TMPRSS15: variants seen among roughly 807,000 people sequenced by gnomAD.
TMPRSS15 encodes enteropeptidase.
A neutral mutation model predicts 125.3 loss-of-function variants in TMPRSS15; 128 were observed. The observed-to-expected ratio is 1.02, with a 90% CI of 0.89 to 1.18. The LOEUF (loss-of-function observed/expected upper bound fraction) is 1.18. Ranked by LOEUF, TMPRSS15 falls within the 50% of genes most tolerant of loss-of-function variation. The pLI is 0.00. For synonymous variants in TMPRSS15, 446 were observed against 423.2 expected, an observed-to-expected ratio of 1.05 and a Z score of -0.66; for missense variants, 1,283 against 1,212.7, an observed-to-expected ratio of 1.06 and a Z score of -0.86.
At chr21:18,475,155 T>C (rs537381364) in intron 1 of TMPRSS15, among the ~76,000 whole-genome samples, 4 of 152,008 alleles carry the variant, frequency 2.6e-5, no homozygotes, top group African/African-American at 7.3e-5. Flanking sequence ...CCAATAGAGA[T>C]TCGATTTTTT....
chr21:18,274,205 A>G (rs1050276315), intron 24 of TMPRSS15, among the ~76,000 whole-genome samples: 1 of 152,186 alleles, frequency 6.6e-6, no homozygotes, highest in East Asian at 1.9e-4. Context: ...AACATTTTTG[A>G]GTAATTGCTC....
At chr21:18,302,801 A>C (rs1410424376) in intron 18 of TMPRSS15, among the ~76,000 whole-genome samples, 1 of 152,110 alleles carries the variant, frequency 6.6e-6, no homozygotes, top group African/African-American at 2.4e-5. Flanking sequence ...TACTTCTAGG[A>C]GATTGTCAAA....
intron 6 of TMPRSS15, among the ~76,000 whole-genome samples, chr21:18,369,977 A>AAG (rs1373223404): frequency 6.6e-6 from 1 of 151,092 alleles, no homozygotes; most frequent in Non-Finnish European, 1.5e-5. Context: ...CTTAAACGAA[A>AAG]AAAAAAAAAA....
intron 1 of TMPRSS15, among the ~76,000 whole-genome samples, chr21:18,476,345 T>C (rs1337468438): frequency 6.6e-6 from 1 of 152,268 alleles, no homozygotes; most frequent in Non-Finnish European, 1.5e-5. Flanking sequence ...CTAGATTTTT[T>C]CCCTTATTGA....
chr21:18,274,086 G>C (rs915554848), intron 24 of TMPRSS15, among the ~76,000 whole-genome samples: 2 of 152,148 alleles, frequency 1.3e-5, no homozygotes, highest in African/African-American at 4.8e-5. Flanking sequence ...GGTCAGTAAT[G>C]CTAGCAGGTT....
chr21:18,368,007 T>A (rs1227743992), intron 6 of TMPRSS15, among the ~76,000 whole-genome samples: 1 of 152,204 alleles, frequency 6.6e-6, no homozygotes, highest in Non-Finnish European at 1.5e-5. Flanking sequence ...GAAAATTTTT[T>A]AAAGATTTCC....
At chr21:18,313,920 T>C (rs1179820613) in intron 17 of TMPRSS15, among the ~76,000 whole-genome samples, 1 of 151,792 alleles carries the variant, frequency 6.6e-6, no homozygotes, top group Non-Finnish European at 1.5e-5. Flanking sequence ...CCACTTTCTT[T>C]GTACTTGCTT....
chr21:18,448,932 CT>C (rs1341895835), intron 1 of TMPRSS15, among the ~76,000 whole-genome samples: 3 of 151,976 alleles, frequency 2.0e-5, no homozygotes, highest in Admixed American at 6.6e-5. Context: ...TCTAGTATAT[CT>C]TTTTTTGAAA....
In TMPRSS15 at chr21:18,302,633, A is replaced by G. The variant is rs2074985473; in HGVS notation, c.2166-4804T>C. ...AAAAACAATTATCTTAACCTAATCA[A>G]TTTCTACTTTTGTGCAAGCTACTGT... On this transcript the variant is annotated intron_variant, in intron 18 of 24. Transcript: ENST00000284885. Among the ~76,000 whole-genome samples the G allele has an allele frequency of 4.6e-5, 7 of 152,304 alleles. No homozygotes were observed. In the South Asian group the frequency reaches 1.4e-3, roughly 32 times the overall value.
intron 12 of TMPRSS15, among the ~76,000 whole-genome samples, chr21:18,342,580 G>A (rs1765033205): frequency 6.6e-6 from 1 of 152,128 alleles, no homozygotes. Context: ...GCCACATCTG[G>A]CCACTGCAAT....
At chr21:18,326,604 G>A in intron 15 of TMPRSS15, 32 bp from the exon 16 acceptor site, 1 of 1,613,770 alleles carries the variant, frequency 6.2e-7, no homozygotes, top group Non-Finnish European at 8.5e-7. Context: ...TAATCAGTGA[G>A]ATGATCCTTT....
At chr21:18,332,334 A>G (rs2075353812) in intron 13 of TMPRSS15, among the ~76,000 whole-genome samples, 161 bp from the exon 14 acceptor site, 1 of 152,178 alleles carries the variant, frequency 6.6e-6, no homozygotes, top group Non-Finnish European at 1.5e-5. Flanking sequence ...TAAGTAAAGG[A>G]AAAATACAGT....
At chr21:18,361,748 A>G (rs2075681490) in intron 7 of TMPRSS15, among the ~76,000 whole-genome samples, 1 of 152,146 alleles carries the variant, frequency 6.6e-6, no homozygotes, top group Non-Finnish European at 1.5e-5. Flanking sequence ...TTAGTCTTCA[A>G]GTAGTGGGGT....
At position 18,299,395 on chromosome 21, in the gene TMPRSS15, G is replaced by T. The variant is rs1359268847; in HGVS notation, c.2166-1566C>A. 2.6e-5 allele frequency among the ~76,000 whole-genome samples: 4 copies of T among 152,286 alleles called. No individual in the cohort carries two copies. In the East Asian group the frequency reaches 7.7e-4, roughly 29 times the overall value. The stretch of plus-strand genomic sequence containing the variant: ...ATAAACACAGATGTTAGAGGACCTT[G>T]AATTTCACCATTCTTGCAGGTTTTG... On this transcript the variant is annotated intron_variant, in intron 18 of 24. Transcript: ENST00000284885.
intron 10 of TMPRSS15, among the ~76,000 whole-genome samples, 180 bp from the exon 11 acceptor site, chr21:18,344,240 T>C (rs1601364047): frequency 6.6e-6 from 1 of 152,158 alleles, no homozygotes; most frequent in African/African-American, 2.4e-5. Flanking sequence ...CATAACAGAT[T>C]GTTATTGACA....
intron 1 of TMPRSS15, among the ~76,000 whole-genome samples, chr21:18,410,351 T>C (rs1269086039): frequency 1.3e-5 from 2 of 152,032 alleles, no homozygotes; most frequent in African/African-American, 4.8e-5. Flanking sequence ...TTCTCTACAA[T>C]TTAATGAGTA....
intron 1 of TMPRSS15, among the ~76,000 whole-genome samples, chr21:18,436,844 TCG>T (rs1219735281): frequency 1.9e-4 from 1 of 5,184 alleles, no homozygotes; most frequent in African/African-American, 2.2e-4. Context: ...AGAATCAATA[TCG>T]TGAAAATGGC....
intron 5 of TMPRSS15, among the ~76,000 whole-genome samples, chr21:18,375,108 A>G (rs1236728467): frequency 2.0e-5 from 3 of 152,340 alleles, no homozygotes; most frequent in South Asian, 4.1e-4. Context: ...CTATTTCATA[A>G]ACATTCTTCA....
At chr21:18,393,918 TAA>T (rs921761861) in intron 3 of TMPRSS15, among the ~76,000 whole-genome samples, 5 of 152,332 alleles carry the variant, frequency 3.3e-5, no homozygotes, top group African/African-American at 1.2e-4. Flanking sequence ...AGCTCTTTAA[TAA>T]AAGACTTTCT....
Sources: gnomAD v4.1 joint callset for allele counts (sites outside exome capture counted in the v4.1 genomes callset) on GRCh38, gnomAD v4.1.1 for gene constraint, MANE v1.5 for transcripts, NCBI Gene and HGNC (gene_info 2026-07-23, HGNC 2026-07-21) for gene names.